The following R3HDM1 variants were observed in gnomAD, a reference collection of about 807,000 sequenced individuals.
R3HDM1 encodes the protein R3H domain-containing protein 1.
Under a neutral mutation model 141.1 loss-of-function variants are expected in R3HDM1, and 46 were observed. The observed-to-expected ratio is 0.33, with a 90% confidence interval of 0.26 to 0.42. R3HDM1 has a LOEUF of 0.42. Ranked by LOEUF, R3HDM1 falls within the 10% of genes least tolerant of loss-of-function variation. R3HDM1 has a pLI of 1.00. For synonymous variants in R3HDM1, 435 were observed against 472.9 expected (o/e 0.92, Z 1.04); for missense variants, 1,184 against 1,368.3 (o/e 0.87, Z 2.12).
chr2:135,673,236 A>T (rs2068668692), intron 19 of R3HDM1, among the ~76,000 whole-genome samples: 1 of 152,200 alleles, frequency 6.6e-6, no homozygotes, highest in Non-Finnish European at 1.5e-5. Context: ...ATTCATTGAG[A>T]TGAGGAGCTC....
intron 1 of R3HDM1, among the ~76,000 whole-genome samples, chr2:135,578,877 G>C (rs975477456): frequency 6.6e-5 from 10 of 152,164 alleles, no homozygotes; most frequent in African/African-American, 1.2e-4. Context: ...TAGTAGGCTA[G>C]AATTAACCCT....
chr2:135,536,934 G>T (rs1184259070), intron 1 of R3HDM1, among the ~76,000 whole-genome samples: 2 of 152,162 alleles, frequency 1.3e-5, no homozygotes, highest in African/African-American at 2.4e-5. Context: ...AATGCCTGAT[G>T]ATCTGAGGTA....
At chr2:135,627,203 A>G (rs2062133808) in intron 7 of R3HDM1, among the ~76,000 whole-genome samples, 1 of 152,152 alleles carries the variant, frequency 6.6e-6, no homozygotes, top group South Asian at 2.1e-4. Flanking sequence ...CCTGGTACAC[A>G]ATTAGTTAGA....
rs116499913 is a variant in R3HDM1 at position 135,724,291 on chromosome 2, A to G, written c.3404A>G (p.Ter1135=). The G allele has an allele frequency of 2.1e-5, 33 of 1,599,924 alleles. 1 individual carries two copies. Among genetic ancestry groups the G allele is most frequent in the Middle Eastern group, 3.3e-4 (2 of 6,048 alleles). Residue 1135 remains the stop codon, a stop_retained_variant, in exon 27 of 27, where the codon TAA becomes TGA. Coordinates refer to ENST00000683871, the MANE Select transcript of R3HDM1 (RefSeq NM_001378107.1). ...ATTTTGGAAAGGGCAAGTTCTCAGT[A>G]ACAGCCACCTTTGGACCCTTCGCCT... ...FHILERASSQ[*]
At chr2:135,547,085 TCCA>T (rs1698846906) in intron 1 of R3HDM1, among the ~76,000 whole-genome samples, 1 of 152,190 alleles carries the variant, frequency 6.6e-6, no homozygotes, top group Admixed American at 6.5e-5. Flanking sequence ...TGATAACTCC[TCCA>T]TCTTTTGAAC....
intron 21 of R3HDM1, among the ~76,000 whole-genome samples, chr2:135,697,526 G>T (rs537506070): frequency 6.6e-6 from 1 of 152,272 alleles, no homozygotes; most frequent in East Asian, 1.9e-4. Context: ...AATAGAATGT[G>T]TAAGTATATT....
At position 135,626,205 on chromosome 2, in the gene R3HDM1, G is replaced by GTGTGTGCTTGCTTGCTTGCTTGCT. The variant is rs769901090; in HGVS notation, c.497+3475_497+3476insTGTGCTTGCTTGCTTGCTTGCTTG. Reference sequence around the variant, plus strand: ...CTTGCGTGCGTGCGTGCGTGCGTGCGTGCGTGCTTGCTTGCTTGCTTGCTT... The same window carrying GTGTGTGCTTGCTTGCTTGCTTGCT: ...CTTGCGTGCGTGCGTGCGTGCGTGCGTGTGTGCTTGCTTGCTTGCTTGCTTGCGTGCTTGCTTGCTTGCTTGCTT... On this transcript the variant is annotated intron_variant, in intron 7 of 26. Transcript: ENST00000683871. 1.6e-3 allele frequency among the ~76,000 whole-genome samples: 186 copies of GTGTGTGCTTGCTTGCTTGCTTGCT among 116,220 alleles called. 1 individual carries two copies. The highest frequency in any genetic ancestry group is 7.1e-3 in the African/African-American group (166 of 23,332). The allele number at this position is 116,220 out of a possible 152,430, so 76.2% of individuals were successfully genotyped here.
chr2:135,675,184 GT>G, intron 19 of R3HDM1, 147 bp from the exon 20 acceptor site: 2 of 765,552 alleles, frequency 2.6e-6, no homozygotes, highest in Non-Finnish European at 4.0e-6. Context: ...GGGCTAAAAT[GT>G]TATTTCATAA....
chr2:135,701,109 G>A (rs1222847524), intron 21 of R3HDM1, among the ~76,000 whole-genome samples: 1 of 151,818 alleles, frequency 6.6e-6, no homozygotes, highest in East Asian at 1.9e-4. Context: ...CATTGGCCTG[G>A]CACAGTGGCT....
chr2:135,670,374 C>T, intron 19 of R3HDM1: 1 of 979,020 alleles, frequency 1.0e-6, no homozygotes, highest in Non-Finnish European at 1.2e-6. Flanking sequence ...CACATGCCTT[C>T]ATCCTGAAAG....
At chr2:135,586,284 G>T (rs1202457065) in intron 1 of R3HDM1, 1 of 152,532 alleles carries the variant, frequency 6.6e-6, no homozygotes, top group African/African-American at 2.4e-5. Flanking sequence ...ACTGGCTAGA[G>T]TGTTACTGAC....
chr2:135,635,768 T>C, intron 9 of R3HDM1, 122 bp from the exon 10 acceptor site: 1 of 1,211,068 alleles, frequency 8.3e-7, no homozygotes. Flanking sequence ...TAAGCATCTA[T>C]GGATGGCACT....
rs548160171 is a variant in R3HDM1 at position 135,654,827 on chromosome 2, T to C, written c.2028+2795T>C. On this transcript the variant is annotated intron_variant, in intron 18 of 26. Transcript: ENST00000683871. ...TGTAGGTACATGTATTTTTTTAATA[T>C]CTCTTTTCAGTTTTTTGGAGTATGT... Among the ~76,000 whole-genome samples the C allele has an allele frequency of 6.6e-5, 10 of 152,076 alleles. No individual in the cohort carries two copies. The East Asian group carries it at 1.5e-3, about 24-fold the overall frequency.
At chr2:135,587,252 A>G (rs893315694) in intron 1 of R3HDM1, among the ~76,000 whole-genome samples, 1 of 152,152 alleles carries the variant, frequency 6.6e-6, no homozygotes, top group Non-Finnish European at 1.5e-5. Context: ...TGACTAACAC[A>G]TGTCCATTAG....
chr2:135,546,415 G>A (rs923318180), intron 1 of R3HDM1, among the ~76,000 whole-genome samples: 2 of 152,138 alleles, frequency 1.3e-5, no homozygotes, highest in Admixed American at 6.5e-5. Flanking sequence ...GGGAGACTTT[G>A]TTTGCACTCA....
chr2:135,616,559 G>A lies in R3HDM1; in HGVS notation c.214-109G>A, dbSNP rs577886240. ...ATTTAACTTGCACATTTCATCTACTGTTATACATGGCAGAAACTATAAAGA... is the reference window on the plus strand; with the variant it reads ...ATTTAACTTGCACATTTCATCTACTATTATACATGGCAGAAACTATAAAGA... On this transcript the variant is annotated intron_variant, in intron 4 of 26. Transcript: ENST00000683871. 5.6e-6 allele frequency: 5 copies of A among 889,684 alleles called. No individual in the cohort carries two copies. The African/African-American group carries it at 8.5e-5, about 15-fold the overall frequency. 55.1% of individuals were successfully genotyped at this position (889,684 alleles called of 1,614,324 possible). A position where few individuals can be genotyped will look rare whatever the true frequency, so the allele number is the denominator to read the frequency against.
In R3HDM1 at chr2:135,616,727, C is replaced by A. The variant is rs868326947; in HGVS notation, c.273C>A (p.Pro91=). 1 of 1,608,540 alleles carries A rather than the reference C, an allele frequency of 6.2e-7. No individual in the cohort carries two copies. Among genetic ancestry groups the A allele is most frequent in the Non-Finnish European group, 8.5e-7 (1 of 1,176,514 alleles). ...SLAVCEESPP[P]PAPEISQENQ... ...CAGTGTGTGAAGAATCTCCACCACCCCCTGCACCAGAGATATCACAGGAGA... is the reference window on the plus strand; with the variant it reads ...CAGTGTGTGAAGAATCTCCACCACCACCTGCACCAGAGATATCACAGGAGA... The change falls in exon 5 of 27, where the codon CCC becomes CCA. Residue 91 remains proline, a synonymous_variant. Coordinates refer to ENST00000683871, the MANE Select transcript of R3HDM1 (RefSeq NM_001378107.1).
intron 1 of R3HDM1, among the ~76,000 whole-genome samples, chr2:135,600,662 C>A (rs145434880): frequency 1.2e-4 from 19 of 152,288 alleles, no homozygotes; most frequent in African/African-American, 4.6e-4. Flanking sequence ...ATTGCCATTT[C>A]TATATGCCAT....
intron 21 of R3HDM1, among the ~76,000 whole-genome samples, chr2:135,700,078 T>C (rs1232363942): frequency 6.6e-6 from 1 of 152,166 alleles, no homozygotes; most frequent in East Asian, 1.9e-4. Flanking sequence ...CCTCTAAAAT[T>C]TTATCACAAA....
Sources: allele counts gnomAD v4.1 joint callset (sites outside exome capture counted in the v4.1 genomes callset), GRCh38; gene constraint gnomAD v4.1.1; transcripts MANE v1.5; gene names NCBI Gene and HGNC (gene_info 2026-07-23, HGNC 2026-07-21).